JPH3: variants seen among roughly 807,000 people sequenced by gnomAD.
JPH3 encodes junctophilin-3.
JPH3 carries 11 observed loss-of-function variants against 59.6 expected under a neutral mutation model. That is an observed-to-expected ratio of 0.18 (90% CI 0.12 to 0.31). The LOEUF (loss-of-function observed/expected upper bound fraction) is 0.31. Ranked by LOEUF, JPH3 falls within the 10% of genes least tolerant of loss-of-function variation. JPH3 has a pLI of 1.00. For synonymous variants in JPH3, 673 were observed against 483.6 expected (o/e 1.39, Z -5.14); for missense variants, 1,202 against 1,105.7 (o/e 1.09, Z -1.24).
At chr16:87,657,872 A>G (rs1271889646) in intron 2 of JPH3, among the ~76,000 whole-genome samples, 1 of 152,188 alleles carries the variant, frequency 6.6e-6, no homozygotes, top group African/African-American at 2.4e-5. Flanking sequence ...GTCTGGGGGC[A>G]TGTGCCTGGC....
chr16:87,639,542 C>G (rs149715077), intron 1 of JPH3, among the ~76,000 whole-genome samples: 13 of 152,154 alleles, frequency 8.5e-5, no homozygotes, highest in African/African-American at 2.9e-4. Context: ...TTTCCATCTC[C>G]AGAACTTTCT....
rs1376131108 is a variant in JPH3 at position 87,690,495 on chromosome 16, A to G, written c.2135A>G (p.Glu712Gly). The G allele has an allele frequency of 1.3e-6, 2 of 1,485,710 alleles. No homozygotes were observed. The highest frequency in any genetic ancestry group is 2.8e-5 in the African/African-American group (2 of 70,740). 92.0% of individuals were successfully genotyped at this position (1,485,710 alleles called of 1,614,324 possible). The change falls in exon 4 of 5, where the codon GAG (glutamate) becomes GGG (glycine). Residue 712 changes from glutamate to glycine, a missense_variant. Transcript: ENST00000284262. ...TTGCCTGTCGCTCTAGAGTCCGACG[A>G]GGAGAATGGGGATGAGCTCAAGTCC... Reference protein sequence around the residue: ...KSLPVALESDEENGDELKSST... With the variant: ...KSLPVALESDGENGDELKSST...
At chr16:87,689,536 G>T in intron 3 of JPH3, 110 bp from the exon 4 acceptor site, 4 of 1,164,002 alleles carry the variant, frequency 3.4e-6, no homozygotes, top group Non-Finnish European at 4.9e-6. Flanking sequence ...TGAGTGGGAA[G>T]CGCCTCTGCT....
chr16:87,625,232 C>T (rs2031328270), intron 1 of JPH3, among the ~76,000 whole-genome samples: 1 of 152,230 alleles, frequency 6.6e-6, no homozygotes, highest in Admixed American at 6.5e-5. Flanking sequence ...GACCACTGGG[C>T]ATGGTGAGGT....
chr16:87,689,884 C>G lies in JPH3; in HGVS notation c.1524C>G (p.Asp508Glu), dbSNP rs1371795584. ...VAHFSRQVSV[D>E]EERGGDIQML... ...ACTTCTCGAGGCAGGTGTCGGTGGA[C>G]GAGGAGCGGGGCGGGGACATCCAGA... Residue 508 changes from aspartate (D) to glutamate (E), a missense_variant, in exon 4 of 5, where the codon GAC becomes GAG. Coordinates refer to ENST00000284262, the MANE Select transcript of JPH3 (RefSeq NM_020655.4). 2.7e-6 allele frequency: 4 copies of G among 1,482,626 alleles called. No individual in the cohort carries two copies. The African/African-American group carries it at 5.6e-5, about 21-fold the overall frequency. The allele number at this position is 1,482,626 out of a possible 1,614,324, so 91.8% of individuals were successfully genotyped here. A position where few individuals can be genotyped will look rare whatever the true frequency, so the allele number is the denominator to read the frequency against.
At chr16:87,632,282 G>A (rs1401863791) in intron 1 of JPH3, among the ~76,000 whole-genome samples, 1 of 152,224 alleles carries the variant, frequency 6.6e-6, no homozygotes, top group African/African-American at 2.4e-5. Flanking sequence ...ACGAAAAAAA[G>A]AGCACTTCCC....
At position 87,658,521 on chromosome 16, in the gene JPH3, G is replaced by A. The variant is rs138443337; in HGVS notation, c.1160+13486G>A. Among the ~76,000 whole-genome samples, 714 of 151,552 alleles carry A rather than the reference G, an allele frequency of 4.7e-3. 6 individuals carry two copies. Among genetic ancestry groups the A allele is most frequent in the African/African-American group, 0.016 (673 of 41,232 alleles). On this transcript the variant is annotated intron_variant, in intron 2 of 4. Transcript: ENST00000284262. Reference sequence around the variant, plus strand: ...TCTTTTTCTCGTTCTCTGTCACTCCGTTTCTGCTTTTGTTCCCCCTTCTCT... The same window carrying A: ...TCTTTTTCTCGTTCTCTGTCACTCCATTTCTGCTTTTGTTCCCCCTTCTCT...
At chr16:87,673,646 C>T (rs1292504007) in intron 2 of JPH3, among the ~76,000 whole-genome samples, 1 of 152,206 alleles carries the variant, frequency 6.6e-6, no homozygotes, top group African/African-American at 2.4e-5. Context: ...AAACAAGAGG[C>T]TGGGCACGGT....
intron 2 of JPH3, among the ~76,000 whole-genome samples, chr16:87,675,273 C>T (rs910296665): frequency 1.1e-4 from 17 of 151,642 alleles, no homozygotes; most frequent in African/African-American, 3.6e-4. Flanking sequence ...TTGCCAACTC[C>T]TCCTGCCTCC....
chr16:87,636,527 G>A (rs971910634), intron 1 of JPH3, among the ~76,000 whole-genome samples: 21 of 152,310 alleles, frequency 1.4e-4, no homozygotes, highest in East Asian at 5.8e-4. Flanking sequence ...CAGAGCTCCC[G>A]TCTGGGGGAA....
intron 2 of JPH3, among the ~76,000 whole-genome samples, chr16:87,666,514 C>G (rs2032866295): frequency 6.6e-6 from 1 of 152,040 alleles, no homozygotes; most frequent in South Asian, 2.1e-4. Context: ...ACCTTAGCCT[C>G]CTAAGCAGCT....
At chr16:87,669,901 G>T (rs2032970846) in intron 2 of JPH3, among the ~76,000 whole-genome samples, 1 of 152,094 alleles carries the variant, frequency 6.6e-6, no homozygotes, top group Admixed American at 6.5e-5. Flanking sequence ...GGCCTCTCTC[G>T]GTGAGGGCCG....
intron 1 of JPH3, among the ~76,000 whole-genome samples, chr16:87,615,214 G>T (rs927327580): frequency 8.5e-5 from 13 of 152,244 alleles, no homozygotes; most frequent in East Asian, 3.8e-4. Flanking sequence ...GGGCCTAAGC[G>T]TGCCCAGATT....
chr16:87,640,787 C>G (rs182270400), intron 1 of JPH3, among the ~76,000 whole-genome samples: 26 of 152,326 alleles, frequency 1.7e-4, no homozygotes, highest in Admixed American at 1.5e-3. Flanking sequence ...ACCAGGCGTC[C>G]TGTGTTTGAT....
In JPH3 at chr16:87,644,910, C is replaced by A; in HGVS notation, c.1035C>A (p.Gly345=). ...EGKYKQNILV[G]GKRKNLIPLR... ...AGTACAAGCAGAACATCCTCGTCGG[C>A]GGCAAGCGCAAGAACCTCATCCCCC... Residue 345 remains glycine (G), a synonymous_variant, in exon 2 of 5, where the codon GGC becomes GGA. Transcript: ENST00000284262. 6.2e-7 allele frequency: 1 copy of A among 1,612,958 alleles called. No individual in the cohort carries two copies. Among genetic ancestry groups the A allele is most frequent in the South Asian group, 1.1e-5 (1 of 91,084 alleles).
rs561097329 is a variant in JPH3, at chr16:87,605,698, T to G, written c.382+2170T>G. On this transcript the variant is annotated intron_variant, in intron 1 of 4. Coordinates refer to ENST00000284262, the MANE Select transcript of JPH3 (RefSeq NM_020655.4). ...TTCCCCTCCTTGTGGTCCTGCCTGATCATGTCCATTCTACAGATGAGGCCA... is the reference window on the plus strand; with the variant it reads ...TTCCCCTCCTTGTGGTCCTGCCTGAGCATGTCCATTCTACAGATGAGGCCA... Among the ~76,000 whole-genome samples, 77 of 152,294 alleles carry G rather than the reference T, an allele frequency of 5.1e-4. 1 individual carries two copies. The highest frequency in any genetic ancestry group is 9.8e-4 in the Admixed American group (15 of 15,306).
chr16:87,644,768 C>G lies in JPH3; in HGVS notation c.893C>G (p.Ser298Cys), dbSNP rs773282602. The change falls in exon 2 of 5, where the codon TCC (serine) becomes TGC (cysteine). Residue 298 changes from serine to cysteine, a missense_variant. Physicochemically the swap from Ser to Cys is moderately radical, Grantham distance 112 (BLOSUM62 -1). Transcript: ENST00000284262. ...YVGEWKNDKR[S>C]GFGVSQRSDG... ...GGCGAGTGGAAGAACGACAAACGCTCCGGCTTCGGCGTGAGCCAGCGCTCG... is the reference window on the plus strand; with the variant it reads ...GGCGAGTGGAAGAACGACAAACGCTGCGGCTTCGGCGTGAGCCAGCGCTCG... The G allele has an allele frequency of 1.2e-6, 2 of 1,613,190 alleles. No individual in the cohort carries two copies. Among genetic ancestry groups the G allele is most frequent in the East Asian group, 2.2e-5 (1 of 44,840 alleles).
chr16:87,680,520 C>T (rs959495200), intron 2 of JPH3, among the ~76,000 whole-genome samples: 2 of 152,220 alleles, frequency 1.3e-5, no homozygotes, highest in Non-Finnish European at 2.9e-5. Context: ...ACGATCGCGA[C>T]CTTTTCCTCC....
At chr16:87,660,331 G>C (rs1401811162) in intron 2 of JPH3, among the ~76,000 whole-genome samples, 1 of 152,134 alleles carries the variant, frequency 6.6e-6, no homozygotes, top group South Asian at 2.1e-4. Flanking sequence ...GCTGCAGGGA[G>C]GGCACAGAGG....
Sources: gnomAD v4.1 joint callset for allele counts (sites outside exome capture counted in the v4.1 genomes callset) on GRCh38, gnomAD v4.1.1 for gene constraint, MANE v1.5 for transcripts, NCBI Gene and HGNC (gene_info 2026-07-23, HGNC 2026-07-21) for gene names.